MSRB3: variants seen among roughly 807,000 people sequenced by gnomAD.
MSRB3 encodes methionine sulfoxide reductase B3, also known as methionine-R-sulfoxide reductase B3.
A neutral mutation model predicts 21.0 loss-of-function variants in MSRB3; 13 were observed. That is an observed-to-expected ratio of 0.62 (90% confidence interval 0.40 to 0.98). The LOEUF (loss-of-function observed/expected upper bound fraction) is 0.98, where lower values mean the gene tolerates loss of function less well. Among genes scored for constraint, MSRB3 ranks in the 50% least tolerant of loss-of-function variants. The pLI is 0.00. For missense variants in MSRB3, 199 were observed against 230.3 expected, an observed-to-expected ratio of 0.86 and a Z score of 0.88; for synonymous variants, 87 against 88.6, an observed-to-expected ratio of 0.98 and a Z score of 0.10.
intron 1 of MSRB3, among the ~76,000 whole-genome samples, chr12:65,287,020 CAAAAAAAAA>C (rs35236078): frequency 5.2e-5 from 3 of 57,154 alleles, no homozygotes; most frequent in Non-Finnish European, 8.7e-5. Flanking sequence ...GACCCTTTCT[CAAAAAAAAA>C]AAAAAAAAAA....
chr12:65,401,025 TC>T (rs1880096048), intron 5 of MSRB3, among the ~76,000 whole-genome samples: 1 of 152,204 alleles, frequency 6.6e-6, no homozygotes, highest in Non-Finnish European at 1.5e-5. Context: ...GTGTTTTACT[TC>T]CAATTATGTG....
chr12:65,313,443 A>G (rs1874103449), intron 2 of MSRB3, among the ~76,000 whole-genome samples: 1 of 152,102 alleles, frequency 6.6e-6, no homozygotes, highest in Non-Finnish European at 1.5e-5. Flanking sequence ...AAATATGGAC[A>G]ACCTACATAG....
intron 2 of MSRB3, among the ~76,000 whole-genome samples, chr12:65,309,606 C>G (rs974822426): frequency 6.6e-6 from 1 of 152,050 alleles, no homozygotes; most frequent in Non-Finnish European, 1.5e-5. Flanking sequence ...TATGGTAATT[C>G]AGAGGAGGTT....
At chr12:65,419,044 A>G (rs1881133637) in intron 5 of MSRB3, 2 of 705,502 alleles carry the variant, frequency 2.8e-6, no homozygotes, top group South Asian at 3.0e-5. Flanking sequence ...CACCTCCCTC[A>G]GGCTGTTCTC....
At chr12:65,334,480 C>T (rs995273704) in intron 4 of MSRB3, among the ~76,000 whole-genome samples, 7 of 152,154 alleles carry the variant, frequency 4.6e-5, no homozygotes, top group Admixed American at 3.3e-4. Flanking sequence ...TTTAGTCACT[C>T]TGGTTATTTC....
At chr12:65,348,574 G>T (rs1309609302) in intron 4 of MSRB3, among the ~76,000 whole-genome samples, 1 of 151,970 alleles carries the variant, frequency 6.6e-6, no homozygotes, top group Non-Finnish European at 1.5e-5. Context: ...GGTTTTTTGT[G>T]TCTCTATTTC....
intron 6 of MSRB3, among the ~76,000 whole-genome samples, chr12:65,455,581 T>G (rs1381496052): frequency 6.6e-6 from 1 of 152,160 alleles, no homozygotes. Context: ...TAAACTTGGG[T>G]CAGCTTATGT....
intron 5 of MSRB3, among the ~76,000 whole-genome samples, chr12:65,442,447 T>G (rs1264984037): frequency 6.6e-6 from 1 of 152,046 alleles, no homozygotes; most frequent in Non-Finnish European, 1.5e-5. Flanking sequence ...TATTTCATTT[T>G]TAGTCTGAAT....
Position 65,340,166 on chromosome 12 carries a change from T to G in MSRB3, c.263+11563T>G, listed in dbSNP as rs1876044733. ...ATTTCACCAGACAGCTGGAATCTAT[T>G]GTAAAGAGTTAAGTAGTTTTAGGGC... On this transcript the variant is annotated intron_variant, in intron 4 of 6. Transcript: ENST00000308259. 2.0e-5 allele frequency among the ~76,000 whole-genome samples: 3 copies of G among 152,174 alleles called. No individual in the cohort carries two copies. In the South Asian group the frequency reaches 6.2e-4, roughly 32 times the overall value.
chr12:65,446,537 A>C (rs1358019019), intron 5 of MSRB3, among the ~76,000 whole-genome samples: 1 of 152,194 alleles, frequency 6.6e-6, no homozygotes, highest in Non-Finnish European at 1.5e-5. Flanking sequence ...TAAAAAAAAA[A>C]TCTTGCCTTC....
At chr12:65,341,629 T>C (rs1876150057) in intron 4 of MSRB3, among the ~76,000 whole-genome samples, 1 of 152,002 alleles carries the variant, frequency 6.6e-6, no homozygotes, top group African/African-American at 2.4e-5. Context: ...GTGGTAATTA[T>C]GCATTGCATG....
chr12:65,389,583 C>T (rs150282778), intron 5 of MSRB3, among the ~76,000 whole-genome samples: 1 of 152,230 alleles, frequency 6.6e-6, no homozygotes, highest in African/African-American at 2.4e-5. Flanking sequence ...CCATGTGGAC[C>T]GTCCAATCAA....
chr12:65,332,725 A>G (rs1875511734), intron 4 of MSRB3, among the ~76,000 whole-genome samples: 1 of 152,250 alleles, frequency 6.6e-6, no homozygotes, highest in East Asian at 1.9e-4. Context: ...ATATACGAGC[A>G]TAATCCTCAT....
chr12:65,324,367 C>T (rs903258280), intron 2 of MSRB3, among the ~76,000 whole-genome samples: 10 of 152,192 alleles, frequency 6.6e-5, no homozygotes. Flanking sequence ...AGCACTCTTT[C>T]AAGGCTTGCC....
At chr12:65,291,335 C>G (rs971128679) in intron 1 of MSRB3, among the ~76,000 whole-genome samples, 1 of 152,024 alleles carries the variant, frequency 6.6e-6, no homozygotes, top group Non-Finnish European at 1.5e-5. Context: ...ATCTGCCCAC[C>G]TCGGCCCCCC....
At chr12:65,285,933 A>G (rs1221402651) in intron 1 of MSRB3, 1 of 152,226 alleles carries the variant, frequency 6.6e-6, no homozygotes, top group Non-Finnish European at 1.5e-5. Context: ...TATTCATAAC[A>G]TTTGTCTAAA....
At chr12:65,286,072 G>C (rs1212644681) in intron 1 of MSRB3, 1 of 152,064 alleles carries the variant, frequency 6.6e-6, no homozygotes, top group Non-Finnish European at 1.5e-5. Context: ...AACAGCAAAA[G>C]CTACTATAAA....
At chr12:65,378,851 CT>C (rs887187444) in intron 5 of MSRB3, among the ~76,000 whole-genome samples, 2 of 152,144 alleles carry the variant, frequency 1.3e-5, no homozygotes, top group African/African-American at 2.4e-5. Flanking sequence ...TCAGTGTCTT[CT>C]TTTTTTGTAA....
intron 1 of MSRB3, among the ~76,000 whole-genome samples, chr12:65,294,951 A>G (rs1394546681): frequency 1.3e-5 from 2 of 152,098 alleles, no homozygotes; most frequent in African/African-American, 2.4e-5. Flanking sequence ...TCTCCCAAGT[A>G]TTAAATACCT....
Sources: allele counts gnomAD v4.1 joint callset (sites outside exome capture counted in the v4.1 genomes callset), GRCh38; gene constraint gnomAD v4.1.1; transcripts MANE v1.5; gene names NCBI Gene and HGNC (gene_info 2026-07-23, HGNC 2026-07-21).